The following SCHIP1 variants were observed in gnomAD, a reference collection of about 807,000 sequenced individuals.
The protein encoded by SCHIP1 is schwannomin interacting protein 1, also known as schwannomin-interacting protein 1.
In SCHIP1, 8 loss-of-function variants were observed where a neutral mutation model predicts 29.7. The ratio of observed to expected loss-of-function variants is 0.27; its 90% confidence interval spans 0.16 to 0.49. The LOEUF (loss-of-function observed/expected upper bound fraction) is 0.49. Among genes scored for constraint, SCHIP1 ranks in the 20% least tolerant of loss-of-function variants. The pLI, the probability that SCHIP1 is intolerant of heterozygous loss-of-function variation, is 0.99. For synonymous variants in SCHIP1, 76 were observed against 94.9 expected, an observed-to-expected ratio of 0.80 and a Z score of 1.16; for missense variants, 193 against 294.6, an observed-to-expected ratio of 0.66 and a Z score of 2.52.
intron 2 of SCHIP1, among the ~76,000 whole-genome samples, chr3:159,872,229 A>G (rs116375838): frequency 0.012 from 1,849 of 152,230 alleles, 39 homozygotes; most frequent in African/African-American, 0.043. Flanking sequence ...TTAATATGCC[A>G]TGGTTAACTA....
At chr3:159,587,591 G>A in the SCHIP1 span, among the ~76,000 whole-genome samples, 1 of 152,088 alleles carries the variant, frequency 6.6e-6, no homozygotes, top group East Asian at 1.9e-4. Context: ...TTTACATTAG[G>A]TATATCTCCT....
chr3:159,304,564 G>A, the SCHIP1 span, among the ~76,000 whole-genome samples: 1 of 152,110 alleles, frequency 6.6e-6, no homozygotes, highest in Non-Finnish European at 1.5e-5. Flanking sequence ...CTTCCATGTG[G>A]CTATGAATAA....
At chr3:159,508,087 C>T in the SCHIP1 span, among the ~76,000 whole-genome samples, 3 of 152,242 alleles carry the variant, frequency 2.0e-5, no homozygotes, top group South Asian at 2.1e-4. Flanking sequence ...GCTGTGAATC[C>T]GTCTGGTCCT....
the SCHIP1 span, among the ~76,000 whole-genome samples, chr3:159,503,865 G>A: frequency 6.6e-6 from 1 of 152,152 alleles, no homozygotes; most frequent in Admixed American, 6.5e-5. Flanking sequence ...AGGAATCATA[G>A]ATAAAAGGGG....
the SCHIP1 span, among the ~76,000 whole-genome samples, chr3:159,383,670 T>G: frequency 8.4e-6 from 1 of 119,486 alleles, no homozygotes; most frequent in Admixed American, 9.2e-5. Flanking sequence ...TTGATGGGGA[T>G]GGCATTGAAT....
chr3:159,509,246 C>G, the SCHIP1 span, among the ~76,000 whole-genome samples: 4 of 152,074 alleles, frequency 2.6e-5, no homozygotes, highest in Admixed American at 2.6e-4. Context: ...CTCTTTTGAT[C>G]TTTGTTGGTT....
At chr3:159,353,669 C>T in the SCHIP1 span, among the ~76,000 whole-genome samples, 4 of 152,078 alleles carry the variant, frequency 2.6e-5, no homozygotes, top group South Asian at 2.1e-4. Flanking sequence ...TTGTTTCATT[C>T]GTCCTGTGTG....
At chr3:159,350,824 A>G in the SCHIP1 span, among the ~76,000 whole-genome samples, 1 of 152,120 alleles carries the variant, frequency 6.6e-6, no homozygotes, top group African/African-American at 2.4e-5. Flanking sequence ...ATTATTAACT[A>G]TAGCCCTCAT....
chr3:159,457,434 G>A, the SCHIP1 span, among the ~76,000 whole-genome samples: 4 of 151,838 alleles, frequency 2.6e-5, no homozygotes, highest in South Asian at 6.2e-4. Context: ...TGGAAGTAGG[G>A]AAGTTGCAAA....
the SCHIP1 span, among the ~76,000 whole-genome samples, chr3:159,626,248 CTATATAGA>C: frequency 8.9e-4 from 58 of 65,082 alleles, 5 homozygotes; most frequent in African/African-American, 3.4e-3. Flanking sequence ...ATCTATCTAT[CTATATAGA>C]TAGATAGATA....
chr3:159,383,027 G>A, the SCHIP1 span, among the ~76,000 whole-genome samples: 1 of 149,706 alleles, frequency 6.7e-6, no homozygotes, highest in Non-Finnish European at 1.5e-5. Context: ...AGATGAGTAG[G>A]TTGAGAAAAT....
At chr3:159,314,052 T>C in the SCHIP1 span, among the ~76,000 whole-genome samples, 3 of 152,210 alleles carry the variant, frequency 2.0e-5, no homozygotes, top group Non-Finnish European at 2.9e-5. Flanking sequence ...TAAAGTGATA[T>C]CTGTCAGGTT....
At chr3:159,438,252 C>A in the SCHIP1 span, among the ~76,000 whole-genome samples, 3 of 152,076 alleles carry the variant, frequency 2.0e-5, no homozygotes, top group African/African-American at 7.2e-5. Flanking sequence ...TCCTCCCTGA[C>A]CATGCCTGAG....
At chr3:159,546,734 C>T in the SCHIP1 span, among the ~76,000 whole-genome samples, 1 of 152,122 alleles carries the variant, frequency 6.6e-6, no homozygotes, top group Non-Finnish European at 1.5e-5. Context: ...CATCCATGTT[C>T]CTTCAAACGA....
At chr3:159,561,452 A>G in the SCHIP1 span, among the ~76,000 whole-genome samples, 1 of 152,224 alleles carries the variant, frequency 6.6e-6, no homozygotes, top group African/African-American at 2.4e-5. Context: ...AGATGCCAAT[A>G]TATAATGTGC....
the SCHIP1 span, among the ~76,000 whole-genome samples, chr3:159,279,742 T>C: frequency 4.6e-5 from 7 of 152,100 alleles, no homozygotes; most frequent in African/African-American, 1.7e-4. Flanking sequence ...AATAATTTAT[T>C]AGAAACACAA....
At chr3:159,490,245 G>A in the SCHIP1 span, among the ~76,000 whole-genome samples, 1 of 152,112 alleles carries the variant, frequency 6.6e-6, no homozygotes, top group Non-Finnish European at 1.5e-5. Flanking sequence ...AACATTTCAT[G>A]TCCTCTCTTA....
At chr3:159,505,512 G>A in the SCHIP1 span, among the ~76,000 whole-genome samples, 2 of 152,252 alleles carry the variant, frequency 1.3e-5, no homozygotes, top group Non-Finnish European at 2.9e-5. Context: ...TAGGGTACAC[G>A]TGCACAACGT....
At chr3:159,795,845 G>A in the SCHIP1 span, among the ~76,000 whole-genome samples, 2 of 152,282 alleles carry the variant, frequency 1.3e-5, no homozygotes, top group East Asian at 3.9e-4. Flanking sequence ...ATGTGTTGAC[G>A]GAAGCCAATA....
Sources: gnomAD v4.1 joint callset for allele counts (sites outside exome capture counted in the v4.1 genomes callset) on GRCh38, gnomAD v4.1.1 for gene constraint, MANE v1.5 for transcripts, NCBI Gene and HGNC (gene_info 2026-07-23, HGNC 2026-07-21) for gene names.